The following ZNF37A variants were observed in gnomAD, a reference collection of about 807,000 sequenced individuals.
ZNF37A encodes the protein zinc finger protein 37a (KOX 21).
A neutral mutation model predicts 12.3 loss-of-function variants in ZNF37A; 10 were observed. The ratio of observed to expected loss-of-function variants is 0.82; its 90% CI spans 0.50 to 1.38. ZNF37A has a LOEUF of 1.38. ZNF37A is among the 40% of genes most tolerant of loss of function. The probability of loss-of-function intolerance (pLI) is 0.00; values close to 1 mark genes in which losing one functional copy is unlikely to be tolerated. For missense variants in ZNF37A, 580 were observed against 651.2 expected (o/e 0.89, Z 1.19); for synonymous variants, 207 against 223.0 (o/e 0.93, Z 0.64).
chr10:38,136,195 G>A (rs2070105341), intron 7 of ZNF37A, among the ~76,000 whole-genome samples: 1 of 152,114 alleles, frequency 6.6e-6, no homozygotes, highest in South Asian at 2.1e-4. Context: ...CCAGCCTGGA[G>A]TGCAATGGTG....
intron 5 of ZNF37A, among the ~76,000 whole-genome samples, chr10:38,100,473 C>A (rs1245415188): frequency 2.6e-5 from 4 of 152,170 alleles, no homozygotes; most frequent in Non-Finnish European, 5.9e-5. Flanking sequence ...TAGGCCTATT[C>A]CCCCAGGCTT....
chr10:38,138,195 T>C (rs1188440975), intron 7 of ZNF37A: 2 of 152,312 alleles, frequency 1.3e-5, no homozygotes, highest in South Asian at 2.1e-4. Flanking sequence ...TGTGAAATAA[T>C]TGTAAGTGTA....
intron 7 of ZNF37A, among the ~76,000 whole-genome samples, chr10:38,146,527 A>G (rs1014181146): frequency 1.3e-5 from 2 of 152,208 alleles, no homozygotes; most frequent in South Asian, 2.1e-4. Flanking sequence ...GACAATGACA[A>G]AGATACTTGA....
chr10:38,098,042 T>C (rs1220188790), intron 5 of ZNF37A, among the ~76,000 whole-genome samples: 1 of 152,246 alleles, frequency 6.6e-6, no homozygotes, highest in Non-Finnish European at 1.5e-5. Flanking sequence ...CTGTTTTAGA[T>C]ATGGCATACA....
At chr10:38,149,906 C>T (rs2070305270) in exon 8 of ZNF37A, 1 of 152,178 alleles carries the variant, frequency 6.6e-6, no homozygotes, top group South Asian at 2.1e-4. Context: ...GAACTATTTG[C>T]TCTTCTGCAC....
chr10:38,146,216 A>C (rs1435688351), intron 7 of ZNF37A, among the ~76,000 whole-genome samples: 1 of 152,194 alleles, frequency 6.6e-6, no homozygotes, highest in African/African-American at 2.4e-5. Flanking sequence ...AGCCAGGCAC[A>C]TTTCCCTGCG....
At chr10:38,115,022 C>T (rs2069134441) in intron 6 of ZNF37A, 141 bp downstream of exon 6, 4 of 1,292,908 alleles carry the variant, frequency 3.1e-6, no homozygotes, top group South Asian at 1.5e-5. Flanking sequence ...CTTTTGGATA[C>T]CAGAAAGAAT....
chr10:38,140,144 A>G (rs2070162050), intron 7 of ZNF37A: 1 of 152,226 alleles, frequency 6.6e-6, no homozygotes, highest in Admixed American at 6.5e-5. Flanking sequence ...GGTTTGTCAA[A>G]CACTACCAAA....
At chr10:38,102,299 C>T (rs1439531594) in intron 5 of ZNF37A, among the ~76,000 whole-genome samples, 4 of 151,920 alleles carry the variant, frequency 2.6e-5, no homozygotes, top group East Asian at 3.9e-4. Context: ...TTTTTTCTAA[C>T]GTGCCATTTT....
Position 38,119,161 on chromosome 10 carries a change from A to G in ZNF37A, c.*324A>G. On this transcript the variant is annotated 3_prime_UTR_variant, in exon 8 of 8. Coordinates refer to ENST00000685332, the MANE Select transcript of ZNF37A (RefSeq NM_001324250.3). The stretch of plus-strand genomic sequence containing the variant: ...GCATCCCTAGGTTGAGAAGGGATGC[A>G]TTTTTCTGCTACTACTACAGTTTCA... The G allele has an allele frequency of 9.6e-7, 1 of 1,037,624 alleles. No individual in the cohort carries two copies. Among genetic ancestry groups the G allele is most frequent in the Non-Finnish European group, 1.2e-6 (1 of 857,108 alleles). The allele number at this position is 1,037,624 out of a possible 1,614,324, so 64.3% of individuals were successfully genotyped here.
Position 38,117,529 on chromosome 10 carries a change from CTTCTGGCTGAATG to C in ZNF37A, c.379_391del (p.Phe127LysfsTer98). On this transcript the variant is annotated frameshift_variant, in exon 8 of 8. Transcript: ENST00000685332. LOFTEE classifies it low-confidence loss of function (END_TRUNC). The stretch of plus-strand genomic sequence containing the variant: ...CTGAATATAATAAAAATGGGAACAG[CTTCTGGCTGAATG>C]AAGACCTCATTTGGCATCAGAAAAT... 6.2e-7 allele frequency: 1 copy of C among 1,613,628 alleles called. No homozygotes were observed. The highest frequency in any genetic ancestry group is 8.5e-7 in the Non-Finnish European group (1 of 1,179,874).
intron 5 of ZNF37A, among the ~76,000 whole-genome samples, chr10:38,112,914 T>C (rs1188209764): frequency 6.6e-6 from 1 of 152,060 alleles, no homozygotes; most frequent in East Asian, 1.9e-4. Flanking sequence ...TTCAAGTGAT[T>C]CTCCTGTCTC....
intron 5 of ZNF37A, among the ~76,000 whole-genome samples, chr10:38,109,978 T>C (rs1015959322): frequency 6.6e-6 from 1 of 152,124 alleles, no homozygotes; most frequent in Admixed American, 6.6e-5. Flanking sequence ...CTTCACAGAA[T>C]TAGAAAAAAA....
chr10:38,115,293 G>T lies in ZNF37A; in HGVS notation c.238+3G>T. 6.2e-7 allele frequency: 1 copy of T among 1,612,880 alleles called. No individual in the cohort carries two copies. Among genetic ancestry groups the T allele is most frequent in the Non-Finnish European group, 8.5e-7 (1 of 1,179,450 alleles). ...ATTTCCAAGCCAGAGTCATCTGGGT[G>T]AGTTAGTATGTGCCAGATGGAATTT... On this transcript the variant is annotated splice_donor_region_variant and intron_variant, in intron 7 of 7. Coordinates refer to ENST00000685332, the MANE Select transcript of ZNF37A (RefSeq NM_001324250.3).
intron 5 of ZNF37A, among the ~76,000 whole-genome samples, chr10:38,113,607 A>G (rs2069005766): frequency 6.6e-6 from 1 of 152,102 alleles, no homozygotes; most frequent in African/African-American, 2.4e-5. Flanking sequence ...TCTAATTTCC[A>G]GACGTTCTAA....
chr10:38,118,657 A>G lies in ZNF37A; in HGVS notation c.1506A>G (p.Lys502=). ...QKPYGCNQCG[K]SFCVKSKLIA... Reference sequence around the variant, plus strand: ...CCTATGGATGTAATCAATGTGGAAAATCATTCTGTGTGAAGTCAAAACTCA... The same window carrying G: ...CCTATGGATGTAATCAATGTGGAAAGTCATTCTGTGTGAAGTCAAAACTCA... Residue 502 remains lysine (K), a synonymous_variant, in exon 8 of 8, where the codon AAA becomes AAG. Transcript: ENST00000685332. 1 of 1,613,810 alleles carries G rather than the reference A, an allele frequency of 6.2e-7. No homozygotes were observed. The highest frequency in any genetic ancestry group is 8.5e-7 in the Non-Finnish European group (1 of 1,179,968).
downstream of ZNF37A, among the ~76,000 whole-genome samples, chr10:38,129,319 A>AAAAAAAAAAAAAAAAAAAAAAAAAACAAC: frequency 1.7e-5 from 2 of 116,298 alleles, no homozygotes; most frequent in Admixed American, 8.1e-5. Context: ...AAAAAAAAAA[A>AAAAAAAAAAAAAAAAAAAAAAAAAACAAC]AAACTATTAT....
downstream of ZNF37A, among the ~76,000 whole-genome samples, chr10:38,126,720 C>T (rs1252055837): frequency 4.6e-5 from 7 of 152,160 alleles, no homozygotes; most frequent in Admixed American, 4.6e-4. Flanking sequence ...GAGAAGCCTC[C>T]AGAGCAACAT....
chr10:38,123,249 G>A lies in ZNF37A; in HGVS notation c.*4412G>A, dbSNP rs903482248. 1.3e-5 allele frequency: 2 copies of A among 152,006 alleles called. No homozygotes were observed. Among genetic ancestry groups the A allele is most frequent in the African/African-American group, 2.4e-5 (1 of 41,386 alleles). The allele number at this position is 152,006 out of a possible 1,614,324, so 9.4% of individuals were successfully genotyped here. A position where few individuals can be genotyped will look rare whatever the true frequency, so the allele number is the denominator to read the frequency against. On this transcript the variant is annotated 3_prime_UTR_variant, in exon 8 of 8. Transcript: ENST00000685332. ...ATGTGTTTATACACATTTCATACCT[G>A]TATTAAAATATCTCATGTACCCCAT...
Sources: allele counts gnomAD v4.1 joint callset (sites outside exome capture counted in the v4.1 genomes callset), GRCh38; gene constraint gnomAD v4.1.1; transcripts MANE v1.5; gene names NCBI Gene and HGNC (gene_info 2026-07-23, HGNC 2026-07-21).